XRCC4: variants seen among roughly 807,000 people sequenced by gnomAD.
The protein encoded by XRCC4 is DNA repair protein XRCC4.
XRCC4 carries 28 observed loss-of-function variants against 39.1 expected under a neutral mutation model. The observed-to-expected ratio is 0.72, with a 90% CI of 0.53 to 0.98. XRCC4 has a LOEUF of 0.98. Among genes scored for constraint, XRCC4 ranks in the 50% least tolerant of loss-of-function variants. XRCC4 has a pLI of 0.00. For missense variants in XRCC4, 350 were observed against 376.4 expected, an observed-to-expected ratio of 0.93 and a Z score of 0.58; for synonymous variants, 123 against 126.4, an observed-to-expected ratio of 0.97 and a Z score of 0.18.
At chr5:83,353,053 T>A in intron 7 of XRCC4, 78 bp from the exon 8 acceptor site, 1 of 1,130,166 alleles carries the variant, frequency 8.8e-7, no homozygotes, top group East Asian at 2.5e-5. Flanking sequence ...ATTTCACTTA[T>A]GTGTCTCTTC....
intron 2 of XRCC4, among the ~76,000 whole-genome samples, chr5:83,106,908 T>A (rs1746226460): frequency 6.6e-6 from 1 of 152,000 alleles, no homozygotes; most frequent in South Asian, 2.1e-4. Context: ...CATTTTAGAG[T>A]TAGCATGTTT....
At chr5:83,171,538 T>C (rs1360594360) in intron 3 of XRCC4, among the ~76,000 whole-genome samples, 2 of 152,152 alleles carry the variant, frequency 1.3e-5, no homozygotes, top group African/African-American at 4.8e-5. Flanking sequence ...CTGGGTATAC[T>C]GGCACACAAT....
At chr5:83,213,409 C>G (rs561896588) in intron 6 of XRCC4, among the ~76,000 whole-genome samples, 1 of 152,026 alleles carries the variant, frequency 6.6e-6, no homozygotes, top group African/African-American at 2.4e-5. Flanking sequence ...AATTACAACA[C>G]TGTGACATTG....
chr5:83,291,951 CTGTGTGTGTGTGTGTG>C (rs34789998), intron 7 of XRCC4, among the ~76,000 whole-genome samples: 19 of 143,942 alleles, frequency 1.3e-4, no homozygotes, highest in African/African-American at 4.8e-4. Context: ...ATGTGTATTT[CTGTGTGTGTGTGTGTG>C]TGTGTGTGTG....
At chr5:83,336,377 T>C (rs1756595214) in intron 7 of XRCC4, among the ~76,000 whole-genome samples, 1 of 152,170 alleles carries the variant, frequency 6.6e-6, no homozygotes, top group South Asian at 2.1e-4. Context: ...TAGAATTTCT[T>C]GGTTTAACAT....
intron 7 of XRCC4, among the ~76,000 whole-genome samples, chr5:83,309,296 A>AAAAAAAAAATATATATATATATAT (rs1561467702): frequency 1.4e-5 from 1 of 72,232 alleles, no homozygotes; most frequent in Non-Finnish European, 2.1e-5. Flanking sequence ...AAAAAAAAAA[A>AAAAAAAAAATATATATATATATAT]ATATATATAT....
At chr5:83,322,068 C>A (rs919268549) in intron 7 of XRCC4, among the ~76,000 whole-genome samples, 1 of 151,434 alleles carries the variant, frequency 6.6e-6, no homozygotes, top group South Asian at 2.1e-4. Context: ...TGAGCTTGTA[C>A]TGTTAAGCTG....
chr5:83,241,380 C>T (rs956832277), intron 6 of XRCC4, among the ~76,000 whole-genome samples: 4 of 151,866 alleles, frequency 2.6e-5, no homozygotes, highest in Admixed American at 6.6e-5. Flanking sequence ...TCAAGAAGCA[C>T]GACATAATTT....
downstream of XRCC4, among the ~76,000 whole-genome samples, chr5:83,358,328 C>T (rs1263347096): frequency 6.6e-6 from 1 of 152,122 alleles, no homozygotes; most frequent in Non-Finnish European, 1.5e-5. Flanking sequence ...TTACATTAAA[C>T]TCAGGTTCTT....
intron 6 of XRCC4, among the ~76,000 whole-genome samples, chr5:83,246,772 G>A (rs1753118031): frequency 6.6e-6 from 1 of 151,988 alleles, no homozygotes; most frequent in Non-Finnish European, 1.5e-5. Context: ...ATCCTTTAAA[G>A]TAACAGTTTG....
chr5:83,078,371 T>C (rs1744773100), intron 1 of XRCC4, among the ~76,000 whole-genome samples: 1 of 152,240 alleles, frequency 6.6e-6, no homozygotes, highest in African/African-American at 2.4e-5. Context: ...TTTGCCCCCT[T>C]ATGGCAAGCT....
intron 4 of XRCC4, among the ~76,000 whole-genome samples, 155 bp downstream of exon 4, chr5:83,196,091 T>C (rs1367199118): frequency 1.3e-5 from 2 of 152,154 alleles, no homozygotes; most frequent in African/African-American, 4.8e-5. Flanking sequence ...TTCATCACTA[T>C]TGTATATTAT....
intron 2 of XRCC4, among the ~76,000 whole-genome samples, chr5:83,106,799 C>T (rs2112382758): frequency 6.6e-6 from 1 of 151,952 alleles, no homozygotes. Flanking sequence ...AGACCGGTAC[C>T]TACGAAATAC....
At chr5:83,123,729 C>CAT (rs777746930) in intron 3 of XRCC4, among the ~76,000 whole-genome samples, 2 of 151,898 alleles carry the variant, frequency 1.3e-5, no homozygotes, top group Admixed American at 1.3e-4. Flanking sequence ...GGGTTTATAG[C>CAT]ATACATCTTT....
chr5:83,295,716 GCACGCA>G (rs112455288), intron 7 of XRCC4, among the ~76,000 whole-genome samples: 19 of 151,794 alleles, frequency 1.3e-4, no homozygotes, highest in South Asian at 2.1e-4. Flanking sequence ...ACACACACAT[GCACGCA>G]CACGCACACG....
intron 7 of XRCC4, among the ~76,000 whole-genome samples, chr5:83,279,348 A>C (rs1754456105): frequency 6.6e-6 from 1 of 151,984 alleles, no homozygotes; most frequent in African/African-American, 2.4e-5. Context: ...TAATAAAAAT[A>C]AAAATAAAAA....
chr5:83,177,438 CTT>C (rs776050448), intron 3 of XRCC4, among the ~76,000 whole-genome samples: 55 of 98,304 alleles, frequency 5.6e-4, no homozygotes, highest in Middle Eastern at 4.9e-3. Flanking sequence ...GCTTTAATAC[CTT>C]TTTTTTTTTT....
At chr5:83,259,531 A>G (rs1753677809) in intron 7 of XRCC4, among the ~76,000 whole-genome samples, 1 of 152,014 alleles carries the variant, frequency 6.6e-6, no homozygotes, top group African/African-American at 2.4e-5. Flanking sequence ...TATATCCTTC[A>G]ATTAAAATAA....
chr5:83,172,649 C>G (rs1749780651), intron 3 of XRCC4, among the ~76,000 whole-genome samples: 1 of 152,026 alleles, frequency 6.6e-6, no homozygotes, highest in Non-Finnish European at 1.5e-5. Context: ...TGTCTTTATT[C>G]AATATGTCAC....
Sources: gnomAD v4.1 joint callset for allele counts (sites outside exome capture counted in the v4.1 genomes callset) on GRCh38, gnomAD v4.1.1 for gene constraint, MANE v1.5 for transcripts, NCBI Gene and HGNC (gene_info 2026-07-23, HGNC 2026-07-21) for gene names.